Variants in MARCHF3 observed in about 807,000 individuals in gnomAD.
MARCHF3 encodes E3 ubiquitin-protein ligase MARCHF3.
In MARCHF3, 13 loss-of-function variants were observed where a neutral mutation model predicts 24.2. The observed-to-expected ratio is 0.54, with a 90% confidence interval of 0.35 to 0.85. MARCHF3 has a LOEUF of 0.85. Ranked by LOEUF, MARCHF3 falls within the 40% of genes least tolerant of loss-of-function variation. MARCHF3 has a pLI of 0.01. For synonymous variants in MARCHF3, 144 were observed against 137.3 expected, an observed-to-expected ratio of 1.05 and a Z score of -0.34; for missense variants, 276 against 325.0, an observed-to-expected ratio of 0.85 and a Z score of 1.16.
At chr5:126,889,718 TG>T (rs1753616932) in intron 3 of MARCHF3, among the ~76,000 whole-genome samples, 1 of 152,234 alleles carries the variant, frequency 6.6e-6, no homozygotes, top group Non-Finnish European at 1.5e-5. Context: ...AGGGCCTGGC[TG>T]ACTTGGCTGA....
rs1272417084 is a variant in MARCHF3, at chr5:126,956,670, AACC to A, written c.-56-38446_-56-38444del. ...CAAAAAAAAAAAAAAAAAAAAAAAA[AACC>A]AAAAAAACAACAACAAAAACAAAAA... On this transcript the variant is annotated intron_variant, in intron 1 of 4. Transcript: ENST00000308660. 2.4e-4 allele frequency among the ~76,000 whole-genome samples: 36 copies of A among 148,006 alleles called. 1 individual carries two copies. The highest frequency in any genetic ancestry group is 8.9e-4 in the African/African-American group (35 of 39,152).
chr5:126,930,960 C>T (rs1749463498), intron 1 of MARCHF3, among the ~76,000 whole-genome samples: 1 of 152,224 alleles, frequency 6.6e-6, no homozygotes, highest in African/African-American at 2.4e-5. Flanking sequence ...TATGCTGGCT[C>T]TGTCCACATA....
intron 1 of MARCHF3, among the ~76,000 whole-genome samples, chr5:126,948,929 G>A (rs1467473213): frequency 6.6e-6 from 1 of 152,088 alleles, no homozygotes; most frequent in South Asian, 2.1e-4. Context: ...TGCCTTTGTC[G>A]GCCTACAGTG....
chr5:126,871,032 T>G (rs1160882789), intron 4 of MARCHF3, among the ~76,000 whole-genome samples: 1 of 152,206 alleles, frequency 6.6e-6, no homozygotes, highest in East Asian at 1.9e-4. Context: ...CCTTTGTTCC[T>G]CCTCATACCG....
intron 1 of MARCHF3, among the ~76,000 whole-genome samples, chr5:127,015,512 A>C (rs1023059504): frequency 6.6e-6 from 1 of 152,188 alleles, no homozygotes; most frequent in Non-Finnish European, 1.5e-5. Context: ...AATGACAGGG[A>C]AAGAAAAAAA....
chr5:126,919,099 C>T lies in MARCHF3; in HGVS notation c.-56-872G>A, dbSNP rs547877328. Among the ~76,000 whole-genome samples, 22 of 152,288 alleles carry T rather than the reference C, an allele frequency of 1.4e-4. 1 individual carries two copies. In the South Asian group the frequency reaches 4.6e-3, roughly 32 times the overall value. ...AATCCATTACAAATAAGGGCCTTACCTCCTAGGCACATGGTTTATCATATA... is the reference window on the plus strand; with the variant it reads ...AATCCATTACAAATAAGGGCCTTACTTCCTAGGCACATGGTTTATCATATA... On this transcript the variant is annotated intron_variant, in intron 1 of 4. Coordinates refer to ENST00000308660, the MANE Select transcript of MARCHF3 (RefSeq NM_178450.5).
chr5:126,972,800 A>C (rs1182246104), intron 1 of MARCHF3, among the ~76,000 whole-genome samples: 4 of 152,212 alleles, frequency 2.6e-5, no homozygotes, highest in Non-Finnish European at 4.4e-5. Flanking sequence ...ATGTTGAAAC[A>C]GGATGTAAAA....
At chr5:126,907,496 G>T (rs1475177257) in intron 3 of MARCHF3, among the ~76,000 whole-genome samples, 1 of 151,694 alleles carries the variant, frequency 6.6e-6, no homozygotes, top group Non-Finnish European at 1.5e-5. Flanking sequence ...ATGAATCTGG[G>T]TGCTCCTGTA....
intron 1 of MARCHF3, among the ~76,000 whole-genome samples, chr5:127,027,511 T>A (rs1304289435): frequency 6.6e-6 from 1 of 152,072 alleles, no homozygotes; most frequent in Non-Finnish European, 1.5e-5. Flanking sequence ...CCCCAGAGCA[T>A]CCCAGGACCC....
intron 1 of MARCHF3, among the ~76,000 whole-genome samples, chr5:126,973,161 CTCAT>C (rs1334019896): frequency 6.6e-6 from 1 of 152,212 alleles, no homozygotes; most frequent in African/African-American, 2.4e-5. Context: ...GTAATCAACA[CTCAT>C]TGTTTCCTAC....
At chr5:126,892,724 C>T (rs1228579132) in intron 3 of MARCHF3, among the ~76,000 whole-genome samples, 1 of 149,862 alleles carries the variant, frequency 6.7e-6, no homozygotes, top group Non-Finnish European at 1.5e-5. Context: ...CATCAATGTT[C>T]ATCAAGGATA....
At chr5:126,965,277 T>G (rs1750768632) in intron 1 of MARCHF3, among the ~76,000 whole-genome samples, 1 of 152,154 alleles carries the variant, frequency 6.6e-6, no homozygotes. Flanking sequence ...AATGGGCCCA[T>G]GGAAAGAAGC....
At chr5:126,984,962 G>C (rs1377018421) in intron 1 of MARCHF3, among the ~76,000 whole-genome samples, 1 of 152,320 alleles carries the variant, frequency 6.6e-6, no homozygotes, top group Non-Finnish European at 1.5e-5. Context: ...GGGAGGCTGG[G>C]TGGGAGGCCT....
chr5:126,892,114 C>G (rs1482666202), intron 3 of MARCHF3, among the ~76,000 whole-genome samples: 5 of 151,242 alleles, frequency 3.3e-5, no homozygotes, highest in Non-Finnish European at 5.9e-5. Flanking sequence ...TGTAAGAATG[C>G]TTGTGATTTT....
chr5:126,875,510 C>T (rs1281472903), intron 4 of MARCHF3, among the ~76,000 whole-genome samples: 4 of 152,278 alleles, frequency 2.6e-5, no homozygotes. Context: ...AGCTTGACAG[C>T]TTGTTTACAA....
chr5:126,907,067 C>T (rs1459853421), intron 3 of MARCHF3, among the ~76,000 whole-genome samples: 2 of 151,864 alleles, frequency 1.3e-5, no homozygotes, highest in South Asian at 2.1e-4. Context: ...GCCTTCATTT[C>T]GTTACGTACC....
At chr5:126,895,374 A>G (rs2126778888) in intron 3 of MARCHF3, among the ~76,000 whole-genome samples, 1 of 152,188 alleles carries the variant, frequency 6.6e-6, no homozygotes, top group Middle Eastern at 3.4e-3. Flanking sequence ...CCTTTGGAGG[A>G]GGAGAGGCGC....
At chr5:127,008,138 T>TG (rs2126855367) in intron 1 of MARCHF3, among the ~76,000 whole-genome samples, 1 of 152,268 alleles carries the variant, frequency 6.6e-6, no homozygotes, top group Non-Finnish European at 1.5e-5. Context: ...GCATTGAAGT[T>TG]GTAGTATTTT....
intron 3 of MARCHF3, among the ~76,000 whole-genome samples, chr5:126,891,808 T>C (rs1464520119): frequency 2.8e-5 from 4 of 144,740 alleles, no homozygotes; most frequent in African/African-American, 1.1e-4. Context: ...TAAAGTAGTT[T>C]TTTCCAATTC....
Sources: gnomAD v4.1 joint callset for allele counts (sites outside exome capture counted in the v4.1 genomes callset) on GRCh38, gnomAD v4.1.1 for gene constraint, MANE v1.5 for transcripts, NCBI Gene and HGNC (gene_info 2026-07-23, HGNC 2026-07-21) for gene names.